Variants in CNTNAP5 observed in about 807,000 individuals in gnomAD.
CNTNAP5 encodes the protein contactin associated protein family member 5.
In CNTNAP5, 72 loss-of-function variants were observed where a neutral mutation model predicts 150.2. That is an observed-to-expected ratio of 0.48 (90% CI 0.40 to 0.58). The LOEUF is 0.58. Ranked by LOEUF, CNTNAP5 falls within the 20% of genes least tolerant of loss-of-function variation. The pLI is 0.00. For synonymous variants in CNTNAP5, 672 were observed against 619.8 expected, an observed-to-expected ratio of 1.08 and a Z score of -1.25; for missense variants, 1,636 against 1,626.2, an observed-to-expected ratio of 1.01 and a Z score of -0.10.
At chr2:124,785,085 C>G (rs1681537769) in intron 17 of CNTNAP5, among the ~76,000 whole-genome samples, 1 of 149,502 alleles carries the variant, frequency 6.7e-6, no homozygotes, top group African/African-American at 2.4e-5. Context: ...GAAAAAAAAC[C>G]CTTAAGCATC....
intron 7 of CNTNAP5, among the ~76,000 whole-genome samples, chr2:124,486,577 A>G (rs1693884984): frequency 6.6e-6 from 1 of 152,228 alleles, no homozygotes. Context: ...TGGGTTAAAA[A>G]CTAGAGACCT....
chr2:124,338,341 A>G (rs545188053), intron 3 of CNTNAP5, among the ~76,000 whole-genome samples: 31 of 152,250 alleles, frequency 2.0e-4, no homozygotes, highest in Admixed American at 2.0e-3. Flanking sequence ...CTCTTTTCCT[A>G]ATCGAATACC....
At position 124,735,428 on chromosome 2, in the gene CNTNAP5, C is replaced by CTTT. The variant is rs34024635; in HGVS notation, c.2078-11791_2078-11789dup. Among the ~76,000 whole-genome samples, 79 of 147,004 alleles carry CTTT rather than the reference C, an allele frequency of 5.4e-4. 1 individual carries two copies. The highest frequency in any genetic ancestry group is 3.5e-3 in the Middle Eastern group (1 of 284). On this transcript the variant is annotated intron_variant, in intron 13 of 23. Transcript: ENST00000682447. ...TATTAGAACAATTATTTCTACAAGACTTTTTTTTTTTTGCTTTTCTGTTAA... is the reference window on the plus strand; with the variant it reads ...TATTAGAACAATTATTTCTACAAGACTTTTTTTTTTTTTTTGCTTTTCTGTTAA...
chr2:124,318,567 T>C (rs146120458), intron 3 of CNTNAP5, among the ~76,000 whole-genome samples: 4,348 of 152,296 alleles, frequency 0.029, 96 homozygotes, highest in Non-Finnish European at 0.042. Context: ...AGTGTAATTG[T>C]TGAAGCTATT....
intron 22 of CNTNAP5, among the ~76,000 whole-genome samples, chr2:124,906,228 G>A (rs986222940): frequency 6.6e-5 from 10 of 152,110 alleles, no homozygotes; most frequent in African/African-American, 2.4e-4. Context: ...GTTTGTATAT[G>A]GGTGAGGGAG....
At chr2:124,589,389 A>G (rs1163085825) in intron 11 of CNTNAP5, among the ~76,000 whole-genome samples, 4 of 152,080 alleles carry the variant, frequency 2.6e-5, no homozygotes, top group Admixed American at 6.5e-5. Context: ...GTAATATTTC[A>G]TGGTATGGAA....
At chr2:124,501,711 A>T (rs1454328617) in intron 7 of CNTNAP5, among the ~76,000 whole-genome samples, 2 of 152,172 alleles carry the variant, frequency 1.3e-5, no homozygotes, top group African/African-American at 4.8e-5. Flanking sequence ...TCAACACTGT[A>T]CGTCATTTCT....
At chr2:124,035,145 C>A (rs920533452) in intron 1 of CNTNAP5, among the ~76,000 whole-genome samples, 2 of 151,984 alleles carry the variant, frequency 1.3e-5, no homozygotes, top group Non-Finnish European at 2.9e-5. Context: ...GAATTGCCAT[C>A]CACATAGCTC....
chr2:124,045,568 G>A (rs1319409115), intron 1 of CNTNAP5, among the ~76,000 whole-genome samples: 3 of 151,756 alleles, frequency 2.0e-5, no homozygotes, highest in African/African-American at 2.4e-5. Context: ...AAGTGCCACC[G>A]CACCAGGCCT....
chr2:124,770,486 A>G (rs1681166469), intron 16 of CNTNAP5, among the ~76,000 whole-genome samples: 2 of 152,312 alleles, frequency 1.3e-5, no homozygotes, highest in African/African-American at 4.8e-5. Context: ...TTTTAGCAAA[A>G]TCTTTAACAT....
At chr2:124,353,554 TTCAGG>T in intron 3 of CNTNAP5, among the ~76,000 whole-genome samples, 1 of 152,110 alleles carries the variant, frequency 6.6e-6, no homozygotes, top group Non-Finnish European at 1.5e-5. Flanking sequence ...CCTGTCCCAT[TTCAGG>T]TCTGCTCTCA....
At position 124,813,243 on chromosome 2, in the gene CNTNAP5, A is replaced by AT. The variant is rs574165833; in HGVS notation, c.3217+14930dup. ...AGGTGCCCGCCACCATGTCCGGTTAATTTTTTTGTATTTTTAGTAGAGACA... is the reference window on the plus strand; with the variant it reads ...AGGTGCCCGCCACCATGTCCGGTTAATTTTTTTTGTATTTTTAGTAGAGACA... On this transcript the variant is annotated intron_variant, in intron 19 of 23. Coordinates refer to ENST00000682447, the MANE Select transcript of CNTNAP5 (RefSeq NM_001367498.1). 4.0e-5 allele frequency among the ~76,000 whole-genome samples: 6 copies of AT among 151,402 alleles called. No homozygotes were observed. The East Asian group carries it at 9.8e-4, about 25-fold the overall frequency.
intron 3 of CNTNAP5, among the ~76,000 whole-genome samples, chr2:124,313,375 C>A (rs1291527834): frequency 6.6e-6 from 1 of 152,140 alleles, no homozygotes; most frequent in Non-Finnish European, 1.5e-5. Context: ...GCAATAGGAA[C>A]TTGTTCAAGG....
At chr2:124,342,211 A>C (rs1300104473) in intron 3 of CNTNAP5, among the ~76,000 whole-genome samples, 1 of 152,168 alleles carries the variant, frequency 6.6e-6, no homozygotes, top group Admixed American at 6.5e-5. Flanking sequence ...GGTTCTTCTT[A>C]AGACTGTGTT....
chr2:124,106,558 G>A (rs573826583), intron 1 of CNTNAP5, among the ~76,000 whole-genome samples: 80 of 152,318 alleles, frequency 5.3e-4, no homozygotes, highest in African/African-American at 1.9e-3. Flanking sequence ...TTGGGGTGCT[G>A]AGAGGTGGCA....
Position 124,903,092 on chromosome 2 carries a change from C to T in CNTNAP5, c.3647C>T (p.Ser1216Phe). The change falls in exon 22 of 24, where the codon TCT (serine) becomes TTT (phenylalanine). Residue 1216 changes from serine to phenylalanine, a missense_variant. Ser to Phe is a radical substitution (Grantham distance 155). Transcript: ENST00000682447. ...GTGAATGCAGTGACCACGGTGCATT[C>T]TTCATCAGGTACACTCAAGAGCATG... Reference protein sequence around the residue: ...SDVNAVTTVHSSSDPFGKTDE... With the variant: ...SDVNAVTTVHFSSDPFGKTDE... The T allele has an allele frequency of 1.3e-6, 2 of 1,565,534 alleles. No homozygotes were observed. The highest frequency in any genetic ancestry group is 2.3e-5 in the South Asian group (2 of 85,238).
chr2:124,228,565 C>G (rs1328580689), intron 2 of CNTNAP5, among the ~76,000 whole-genome samples: 1 of 152,124 alleles, frequency 6.6e-6, no homozygotes, highest in Admixed American at 6.6e-5. Context: ...TCTGATCACC[C>G]AGGAACTAGC....
chr2:124,713,241 TTC>T (rs573009293), intron 13 of CNTNAP5, among the ~76,000 whole-genome samples: 5,520 of 55,470 alleles, frequency 0.1, 744 homozygotes, highest in African/African-American at 0.13. Context: ...CTTTCTTTCT[TTC>T]TCTTTCTTTC....
intron 3 of CNTNAP5, among the ~76,000 whole-genome samples, chr2:124,396,776 G>A: frequency 6.6e-6 from 1 of 152,094 alleles, no homozygotes; most frequent in East Asian, 1.9e-4. Flanking sequence ...TTCTATATAT[G>A]AATTCAATAC....
Sources: allele counts gnomAD v4.1 joint callset (sites outside exome capture counted in the v4.1 genomes callset), GRCh38; gene constraint gnomAD v4.1.1; transcripts MANE v1.5; gene names NCBI Gene and HGNC (gene_info 2026-07-23, HGNC 2026-07-21).